The following LCLAT1 variants were observed in gnomAD, a reference collection of about 807,000 sequenced individuals.
LCLAT1 encodes the protein 1-AGP acyltransferase 8.
LCLAT1 carries 11 observed loss-of-function variants against 30.7 expected under a neutral mutation model. That is an observed-to-expected ratio of 0.36 (90% CI 0.23 to 0.59). The LOEUF is 0.59. Among genes scored for constraint, LCLAT1 ranks in the 20% least tolerant of loss-of-function variants. The pLI is 0.77. For missense variants in LCLAT1, 402 were observed against 458.6 expected (o/e 0.88, Z 1.13); for synonymous variants, 155 against 151.3 (o/e 1.02, Z -0.18).
chr2:30,526,400 C>T (rs1017998339), intron 2 of LCLAT1, among the ~76,000 whole-genome samples: 1 of 151,986 alleles, frequency 6.6e-6, no homozygotes, highest in African/African-American at 2.4e-5. Flanking sequence ...CATCTTTAAT[C>T]TGCTGTTTTG....
chr2:30,514,886 A>G (rs1375814105), intron 1 of LCLAT1, among the ~76,000 whole-genome samples: 1 of 152,200 alleles, frequency 6.6e-6, no homozygotes, highest in Non-Finnish European at 1.5e-5. Context: ...GTTTATATAC[A>G]TTTCACTTTT....
intron 1 of LCLAT1, among the ~76,000 whole-genome samples, chr2:30,478,674 AATAAATAG>A (rs777711680): frequency 1.8e-4 from 26 of 141,266 alleles, no homozygotes; most frequent in Non-Finnish European, 2.9e-4. Flanking sequence ...TCAATAAATA[AATAAATAG>A]ATAGATAGGT....
chr2:30,509,673 C>T (rs1363479771), intron 1 of LCLAT1, among the ~76,000 whole-genome samples: 2 of 151,724 alleles, frequency 1.3e-5, no homozygotes, highest in African/African-American at 4.9e-5. Context: ...TCAAATGATT[C>T]TCCTGCCTCA....
At chr2:30,578,620 C>T (rs746786642) in intron 5 of LCLAT1, among the ~76,000 whole-genome samples, 3 of 152,246 alleles carry the variant, frequency 2.0e-5, no homozygotes, top group Middle Eastern at 3.4e-3. Context: ...AGCAGATCTA[C>T]GTTCAGTTAA....
intron 3 of LCLAT1, among the ~76,000 whole-genome samples, chr2:30,549,204 C>A (rs1303819764): frequency 6.6e-6 from 1 of 152,134 alleles, no homozygotes; most frequent in Non-Finnish European, 1.5e-5. Context: ...TGGCTGGGGG[C>A]TTTAAGGTTA....
At chr2:30,561,239 G>A (rs1047491786) in intron 3 of LCLAT1, among the ~76,000 whole-genome samples, 4 of 152,046 alleles carry the variant, frequency 2.6e-5, no homozygotes, top group South Asian at 2.1e-4. Flanking sequence ...CACCACACGC[G>A]GCCTCTTGTA....
At chr2:30,536,739 C>T (rs190463321) in intron 3 of LCLAT1, among the ~76,000 whole-genome samples, 45 of 152,184 alleles carry the variant, frequency 3.0e-4, no homozygotes, top group Non-Finnish European at 5.9e-4. Flanking sequence ...GGGACTCAAA[C>T]GTTAACACTA....
At chr2:30,565,447 A>G (rs1042358295) in intron 4 of LCLAT1, among the ~76,000 whole-genome samples, 2 of 152,166 alleles carry the variant, frequency 1.3e-5, no homozygotes, top group Admixed American at 1.3e-4. Context: ...TCTAAAAAAT[A>G]CCTTCCCAGA....
At chr2:30,621,592 C>T (rs1020893619) in intron 5 of LCLAT1, among the ~76,000 whole-genome samples, 2 of 152,054 alleles carry the variant, frequency 1.3e-5, no homozygotes, top group African/African-American at 4.8e-5. Context: ...CTGCAGGCTC[C>T]GTGAGACAGC....
Position 30,467,487 on chromosome 2 carries a change from G to A in LCLAT1, c.-5+20104G>A, listed in dbSNP as rs1470468185. 4.6e-5 allele frequency among the ~76,000 whole-genome samples: 7 copies of A among 152,220 alleles called. No individual in the cohort carries two copies. In the South Asian group the frequency reaches 6.2e-4, roughly 14 times the overall value. On this transcript the variant is annotated intron_variant, in intron 1 of 5. Transcript: ENST00000379509. ...ATGGCTGGGTCAAATGGTATTTCTA[G>A]CTGTAGATCCTTGAGGAATCGCCAC...
chr2:30,517,900 T>A (rs1685263824), intron 1 of LCLAT1, among the ~76,000 whole-genome samples: 1 of 152,202 alleles, frequency 6.6e-6, no homozygotes, highest in Non-Finnish European at 1.5e-5. Context: ...CAATACCACC[T>A]TGTTATCAGT....
chr2:30,643,125 T>TGCACC lies in LCLAT1; in HGVS notation c.*2517_*2521dup, dbSNP rs1553392655. 2 of 29,384 alleles carry TGCACC rather than the reference T, an allele frequency of 6.8e-5. No homozygotes were observed. Among genetic ancestry groups the TGCACC allele is most frequent in the Non-Finnish European group, 1.2e-4 (2 of 16,110 alleles). The allele number at this position is 29,384 out of a possible 1,614,324, so 1.8% of individuals were successfully genotyped here. ...TCCACACCTGCCCACCTCACCTCAC[T>TGCACC]GCACCGCACCGCACCAGAGCCAGAG... On this transcript the variant is annotated 3_prime_UTR_variant, in exon 6 of 6. Coordinates refer to ENST00000379509, the MANE Select transcript of LCLAT1 (RefSeq NM_001002257.3).
intron 5 of LCLAT1, among the ~76,000 whole-genome samples, chr2:30,615,195 A>G (rs1667937515): frequency 6.6e-6 from 1 of 152,042 alleles, no homozygotes; most frequent in African/African-American, 2.4e-5. Flanking sequence ...TTAAAGGGGA[A>G]TTGCTGGGGC....
intron 5 of LCLAT1, among the ~76,000 whole-genome samples, chr2:30,636,842 A>G (rs772677033): frequency 1.3e-5 from 2 of 152,190 alleles, no homozygotes; most frequent in Non-Finnish European, 2.9e-5. Flanking sequence ...CATGTGAATG[A>G]GCTGTTCCTA....
At chr2:30,517,073 C>T (rs1390161680) in intron 1 of LCLAT1, among the ~76,000 whole-genome samples, 5 of 152,170 alleles carry the variant, frequency 3.3e-5, no homozygotes, top group Admixed American at 2.6e-4. Flanking sequence ...CATGCAGGCA[C>T]CCCTACCTCT....
intron 5 of LCLAT1, among the ~76,000 whole-genome samples, chr2:30,601,484 C>G (rs796392215): frequency 2.1e-4 from 32 of 152,260 alleles, no homozygotes; most frequent in African/African-American, 7.5e-4. Flanking sequence ...AAGCAGAACA[C>G]TAACTTCACA....
chr2:30,554,796 ATTAG>A (rs1326204713), intron 3 of LCLAT1, among the ~76,000 whole-genome samples: 4 of 152,208 alleles, frequency 2.6e-5, no homozygotes, highest in South Asian at 2.1e-4. Context: ...TAGCTGACAA[ATTAG>A]TTAGATGATC....
At chr2:30,462,462 G>A (rs188917129) in intron 1 of LCLAT1, among the ~76,000 whole-genome samples, 2 of 152,196 alleles carry the variant, frequency 1.3e-5, no homozygotes, top group East Asian at 3.9e-4. Flanking sequence ...TGAAGAGATG[G>A]TAGGATTTTG....
rs149045454 is a variant in LCLAT1 at position 30,545,469 on chromosome 2, G to A, written c.364+12155G>A. On this transcript the variant is annotated intron_variant, in intron 3 of 5. Coordinates refer to ENST00000379509, the MANE Select transcript of LCLAT1 (RefSeq NM_001002257.3). ...TATCTGTAGTGCCAGGTTGGGAAAT[G>A]GCTGAGAGTTTAGAATAGAAAGTTC... Among the ~76,000 whole-genome samples the A allele has an allele frequency of 7.7e-4, 117 of 152,198 alleles. 1 individual carries two copies. The East Asian group carries it at 0.019, about 24-fold the overall frequency.
Sources: gnomAD v4.1 joint callset for allele counts (sites outside exome capture counted in the v4.1 genomes callset) on GRCh38, gnomAD v4.1.1 for gene constraint, MANE v1.5 for transcripts, NCBI Gene and HGNC (gene_info 2026-07-23, HGNC 2026-07-21) for gene names.